Variants in SLC4A10 observed in about 807,000 individuals in gnomAD.
SLC4A10 encodes the protein sodium-driven chloride bicarbonate exchanger.
A neutral mutation model predicts 137.7 loss-of-function variants in SLC4A10; 42 were observed. The ratio of observed to expected loss-of-function variants is 0.30; its 90% confidence interval spans 0.24 to 0.39. The LOEUF (loss-of-function observed/expected upper bound fraction) is 0.39, where lower values mean the gene tolerates loss of function less well. SLC4A10 is among the 10% of genes least tolerant of loss of function. The probability of loss-of-function intolerance (pLI) is 1.00; values close to 1 mark genes in which losing one functional copy is unlikely to be tolerated. For synonymous variants in SLC4A10, 474 were observed against 464.1 expected (o/e 1.02, Z -0.27); for missense variants, 925 against 1,355.0 (o/e 0.68, Z 4.98).
At chr2:161,932,256 T>G (rs2105642965) in intron 15 of SLC4A10, among the ~76,000 whole-genome samples, 1 of 152,306 alleles carries the variant, frequency 6.6e-6, no homozygotes, top group East Asian at 1.9e-4. Flanking sequence ...TTTGCAGACC[T>G]ATGATCCTTG....
chr2:161,851,206 C>A (rs2059812195), intron 4 of SLC4A10, among the ~76,000 whole-genome samples: 2 of 152,102 alleles, frequency 1.3e-5, no homozygotes, highest in South Asian at 4.1e-4. Flanking sequence ...GTGGAGTGTT[C>A]TGTAGATGTC....
chr2:161,811,042 T>C (rs1172889470), intron 3 of SLC4A10, among the ~76,000 whole-genome samples: 3 of 152,020 alleles, frequency 2.0e-5, no homozygotes, highest in African/African-American at 4.8e-5. Flanking sequence ...CGATTCAATT[T>C]CAGAACTTGT....
At chr2:161,678,229 C>T (rs923067333) in intron 1 of SLC4A10, among the ~76,000 whole-genome samples, 1 of 152,042 alleles carries the variant, frequency 6.6e-6, no homozygotes, top group Non-Finnish European at 1.5e-5. Flanking sequence ...TGACAAGGTA[C>T]AAAATGAGAA....
chr2:161,814,405 AC>A (rs1048219446), intron 3 of SLC4A10, among the ~76,000 whole-genome samples: 2 of 152,120 alleles, frequency 1.3e-5, no homozygotes, highest in African/African-American at 4.8e-5. Context: ...ACAACTATTG[AC>A]CCAGCAATGT....
intron 3 of SLC4A10, among the ~76,000 whole-genome samples, chr2:161,838,514 A>G (rs1301677394): frequency 1.3e-5 from 2 of 152,200 alleles, no homozygotes; most frequent in African/African-American, 4.8e-5. Context: ...AGTGAAAGAC[A>G]CTGCTAAAAG....
At chr2:161,709,942 C>T (rs1027009859) in intron 1 of SLC4A10, 3 of 151,504 alleles carry the variant, frequency 2.0e-5, no homozygotes, top group Non-Finnish European at 4.4e-5. Flanking sequence ...CAGTTCTCAA[C>T]AGCAAGATGG....
chr2:161,639,111 C>A (rs1470843383), intron 1 of SLC4A10, among the ~76,000 whole-genome samples: 1 of 151,984 alleles, frequency 6.6e-6, no homozygotes. Flanking sequence ...AGACCAATAA[C>A]AAGTAATGAG....
chr2:161,870,807 T>A (rs1559427054), intron 6 of SLC4A10, among the ~76,000 whole-genome samples: 3 of 151,900 alleles, frequency 2.0e-5, no homozygotes. Flanking sequence ...TAGAATATGC[T>A]ATACTCAGAA....
At chr2:161,826,315 A>T (rs1422017042) in intron 3 of SLC4A10, among the ~76,000 whole-genome samples, 1 of 152,216 alleles carries the variant, frequency 6.6e-6, no homozygotes, top group African/African-American at 2.4e-5. Flanking sequence ...TCAGAAATTC[A>T]CAATGGTAAG....
intron 1 of SLC4A10, among the ~76,000 whole-genome samples, chr2:161,658,956 A>G (rs1249188922): frequency 2.0e-5 from 3 of 152,174 alleles, no homozygotes; most frequent in African/African-American, 7.2e-5. Context: ...CTGTTGGTGG[A>G]AAGTAGATTA....
At chr2:161,834,660 TACACACACACACACACAC>T (rs72327926) in intron 3 of SLC4A10, among the ~76,000 whole-genome samples, 30 of 141,018 alleles carry the variant, frequency 2.1e-4, no homozygotes, top group African/African-American at 6.6e-4. Flanking sequence ...CTTTATCGCC[TACACACACACACACACAC>T]ACACACACAC....
In SLC4A10 at chr2:161,624,487, G is replaced by A. The variant is rs1489548975; in HGVS notation, c.-32G>A. 1 of 1,551,922 alleles carries A rather than the reference G, an allele frequency of 6.4e-7. No individual in the cohort carries two copies. Among genetic ancestry groups the A allele is most frequent in the Non-Finnish European group, 8.7e-7 (1 of 1,147,164 alleles). On this transcript the variant is annotated 5_prime_UTR_variant, in exon 1 of 27. Coordinates refer to ENST00000446997, the MANE Select transcript of SLC4A10 (RefSeq NM_001178015.2). ...TGTAAGACACTGAAGACACTGCAGAGCAAGGTGCTTATTCCAGAGGCGTTA... is the reference window on the plus strand; with the variant it reads ...TGTAAGACACTGAAGACACTGCAGAACAAGGTGCTTATTCCAGAGGCGTTA...
chr2:161,814,866 AGCATCATTCAATAT>A (rs1418081123), intron 3 of SLC4A10, among the ~76,000 whole-genome samples: 1 of 152,128 alleles, frequency 6.6e-6, no homozygotes, highest in Admixed American at 6.6e-5. Flanking sequence ...CCCAAACCTC[AGCATCATTCAATAT>A]GCCCATATAA....
chr2:161,892,801 A>T lies in SLC4A10; in HGVS notation c.1195-1878A>T, dbSNP rs548134500. ...AATATTTATATTATATTCAGTGTAA[A>T]TTAATTTTTTCTCTTCATCCTTATT... On this transcript the variant is annotated intron_variant, in intron 10 of 26. Transcript: ENST00000446997. Among the ~76,000 whole-genome samples, 159 of 152,226 alleles carry T rather than the reference A, an allele frequency of 1.0e-3. 1 individual carries two copies. The highest frequency in any genetic ancestry group is 3.8e-3 in the African/African-American group (158 of 41,560).
intron 22 of SLC4A10, 53 bp from the exon 23 acceptor site, chr2:161,964,998 A>T: frequency 2.0e-6 from 3 of 1,535,896 alleles, no homozygotes; most frequent in Non-Finnish European, 2.7e-6. Context: ...GCAAATCTAC[A>T]CCTCTCGTTT....
intron 15 of SLC4A10, among the ~76,000 whole-genome samples, chr2:161,914,786 C>A (rs1238543530): frequency 2.6e-5 from 4 of 152,096 alleles, no homozygotes; most frequent in South Asian, 4.1e-4. Context: ...CTCTAACCCT[C>A]AGTACCTCAG....
chr2:161,675,332 G>T (rs1014123028), intron 1 of SLC4A10, among the ~76,000 whole-genome samples: 1 of 152,292 alleles, frequency 6.6e-6, no homozygotes, highest in South Asian at 2.1e-4. Flanking sequence ...GATGGAGGGA[G>T]ATTAAACCTG....
intron 3 of SLC4A10, among the ~76,000 whole-genome samples, chr2:161,818,121 G>T (rs1192707283): frequency 4.6e-5 from 7 of 152,122 alleles, no homozygotes; most frequent in Admixed American, 4.6e-4. Context: ...AGCATGGAAT[G>T]TTCTTCCATT....
chr2:161,637,033 T>C (rs1348850552), intron 1 of SLC4A10, among the ~76,000 whole-genome samples: 1 of 145,774 alleles, frequency 6.9e-6, no homozygotes. Flanking sequence ...TTTTTAAAAA[T>C]TATTTATGTA....
Sources: allele counts gnomAD v4.1 joint callset (sites outside exome capture counted in the v4.1 genomes callset), GRCh38; gene constraint gnomAD v4.1.1; transcripts MANE v1.5; gene names NCBI Gene and HGNC (gene_info 2026-07-23, HGNC 2026-07-21).